The following SPECC1L variants were observed in gnomAD, a reference collection of about 807,000 sequenced individuals.
The protein encoded by SPECC1L is sperm antigen with calponin homology and coiled-coil domains 1 like, also known as cytospin-A.
A neutral mutation model predicts 116.8 loss-of-function variants in SPECC1L; 40 were observed. That is an observed-to-expected ratio of 0.34 (90% confidence interval 0.27 to 0.45). The LOEUF is 0.45. Ranked by LOEUF, SPECC1L falls within the 20% of genes least tolerant of loss-of-function variation. SPECC1L has a pLI of 1.00. For missense variants in SPECC1L, 1,110 were observed against 1,373.6 expected, an observed-to-expected ratio of 0.81 and a Z score of 3.03; for synonymous variants, 504 against 500.6, an observed-to-expected ratio of 1.01 and a Z score of -0.09.
At chr22:24,382,370 C>T (rs1249399567) in intron 14 of SPECC1L, among the ~76,000 whole-genome samples, 2 of 151,996 alleles carry the variant, frequency 1.3e-5, no homozygotes, top group Non-Finnish European at 2.9e-5. Context: ...CTAAGGCAGC[C>T]AAGATGTTGA....
At chr22:24,284,113 C>T (rs963241048) in intron 2 of SPECC1L, among the ~76,000 whole-genome samples, 3 of 152,044 alleles carry the variant, frequency 2.0e-5, no homozygotes, top group Non-Finnish European at 2.9e-5. Flanking sequence ...CTTTTCTTCT[C>T]CATACTTTGT....
chr22:24,302,180 A>T lies in SPECC1L; in HGVS notation c.-37-15A>T. ...CCAGTTATGTTCTCAGTGTAATGCC[A>T]TTTTTTTCCCACAGATTTGCTTGTA... On this transcript the variant is annotated splice_polypyrimidine_tract_variant and intron_variant, in intron 2 of 16. Transcript: ENST00000314328. 6.2e-7 allele frequency: 1 copy of T among 1,603,838 alleles called. No homozygotes were observed. The highest frequency in any genetic ancestry group is 8.5e-7 in the Non-Finnish European group (1 of 1,172,378).
rs2042817899 is a variant in SPECC1L at position 24,417,263 on chromosome 22, T to C, written c.*2640T>C. On this transcript the variant is annotated 3_prime_UTR_variant, in exon 17 of 17. Transcript: ENST00000314328. ...ATGGCTGAAACAACAAGCTTGGGCT[T>C]TTCTAGCTTGCCCTCCACTCCCTGC... is the stretch of plus-strand genomic sequence containing the variant. 6.6e-6 allele frequency: 1 copy of C among 152,538 alleles called. No individual in the cohort carries two copies. The highest frequency in any genetic ancestry group is 1.5e-5 in the Non-Finnish European group (1 of 68,042). 9.4% of individuals were successfully genotyped at this position (152,538 alleles called of 1,614,324 possible).
chr22:24,329,984 T>C (rs981924117), intron 7 of SPECC1L, among the ~76,000 whole-genome samples: 2 of 152,222 alleles, frequency 1.3e-5, no homozygotes, highest in Non-Finnish European at 2.9e-5. Flanking sequence ...CTTGACATTA[T>C]TATCATTAAT....
intron 14 of SPECC1L, among the ~76,000 whole-genome samples, chr22:24,389,518 GTT>G (rs758077260): frequency 7.9e-5 from 11 of 138,830 alleles, no homozygotes; most frequent in Non-Finnish European, 7.9e-5. Context: ...GGGCTTTCGG[GTT>G]TTTTTTTTTT....
chr22:24,329,113 C>G (rs2146503727), intron 7 of SPECC1L, among the ~76,000 whole-genome samples, 194 bp downstream of exon 7: 1 of 152,300 alleles, frequency 6.6e-6, no homozygotes, highest in Non-Finnish European at 1.5e-5. Context: ...GAAGAATGTA[C>G]TATAGGTTGA....
At chr22:24,343,881 A>G (rs1398855742) in intron 10 of SPECC1L, among the ~76,000 whole-genome samples, 1 of 152,206 alleles carries the variant, frequency 6.6e-6, no homozygotes, top group Non-Finnish European at 1.5e-5. Flanking sequence ...AGTTGGGGGA[A>G]AGTGAATGAG....
chr22:24,327,853 T>C (rs1297712914), intron 6 of SPECC1L, among the ~76,000 whole-genome samples: 2 of 152,206 alleles, frequency 1.3e-5, no homozygotes, highest in East Asian at 3.8e-4. Context: ...TGTGGTAATA[T>C]TGGCGGCAAC....
At chr22:24,396,425 GTA>G (rs537179117) in intron 14 of SPECC1L, among the ~76,000 whole-genome samples, 66 of 152,178 alleles carry the variant, frequency 4.3e-4, no homozygotes, top group Middle Eastern at 6.8e-3. Flanking sequence ...AGCCTCCTGA[GTA>G]GCTGGGATTA....
intron 3 of SPECC1L, among the ~76,000 whole-genome samples, chr22:24,310,776 C>T (rs866038274): frequency 5.9e-5 from 9 of 151,726 alleles, no homozygotes; most frequent in Middle Eastern, 3.4e-3. Flanking sequence ...TTTTAAAATT[C>T]TATTTATGAT....
At chr22:24,341,366 C>T (rs568233000) in intron 10 of SPECC1L, among the ~76,000 whole-genome samples, 2 of 152,198 alleles carry the variant, frequency 1.3e-5, no homozygotes, top group Non-Finnish European at 2.9e-5. Context: ...CACACAAACA[C>T]TTCTGGTAGC....
chr22:24,397,864 A>G (rs546354880), intron 14 of SPECC1L, among the ~76,000 whole-genome samples: 1 of 152,282 alleles, frequency 6.6e-6, no homozygotes. Flanking sequence ...TTATTCAGCA[A>G]ACCTTTGTTT....
At chr22:24,271,146 C>T (rs903007458) in intron 1 of SPECC1L, among the ~76,000 whole-genome samples, 163 bp downstream of exon 1, 2 of 152,262 alleles carry the variant, frequency 1.3e-5, no homozygotes, top group African/African-American at 2.4e-5. Context: ...GCGCCTGCGC[C>T]TTTCCCTTCC....
chr22:24,301,391 T>G (rs1178035593), intron 2 of SPECC1L, among the ~76,000 whole-genome samples: 1 of 152,162 alleles, frequency 6.6e-6, no homozygotes, highest in Non-Finnish European at 1.5e-5. Flanking sequence ...TGGGGTTACA[T>G]CCTATAAACC....
intron 9 of SPECC1L, among the ~76,000 whole-genome samples, chr22:24,335,389 T>TC (rs1458362372): frequency 6.6e-6 from 1 of 152,092 alleles, no homozygotes; most frequent in African/African-American, 2.4e-5. Context: ...GAACCACTCT[T>TC]CCCCCACTCA....
intron 14 of SPECC1L, among the ~76,000 whole-genome samples, chr22:24,371,181 T>A (rs952807536): frequency 6.6e-6 from 1 of 152,214 alleles, no homozygotes; most frequent in African/African-American, 2.4e-5. Context: ...AATAGTACTG[T>A]ATACCAACCA....
At chr22:24,306,267 C>G (rs1239221861) in intron 3 of SPECC1L, among the ~76,000 whole-genome samples, 1 of 151,848 alleles carries the variant, frequency 6.6e-6, no homozygotes, top group Non-Finnish European at 1.5e-5. Context: ...AGTGCCTGTT[C>G]AAGTCACTTG....
intron 5 of SPECC1L, 24 bp from the exon 6 acceptor site, chr22:24,324,196 A>G (rs576552629): frequency 1.9e-6 from 3 of 1,600,936 alleles, no homozygotes; most frequent in African/African-American, 1.3e-5. Context: ...ACTTTTCTAA[A>G]TCTGCATCGT....
chr22:24,362,249 G>A (rs917812729), intron 11 of SPECC1L, among the ~76,000 whole-genome samples: 1 of 152,176 alleles, frequency 6.6e-6, no homozygotes, highest in Non-Finnish European at 1.5e-5. Flanking sequence ...GTTTGGTGGG[G>A]GCTGGCAGGG....
Sources: allele counts gnomAD v4.1 joint callset (sites outside exome capture counted in the v4.1 genomes callset), GRCh38; gene constraint gnomAD v4.1.1; transcripts MANE v1.5; gene names NCBI Gene and HGNC (gene_info 2026-07-23, HGNC 2026-07-21).